Variants in ELMO1 observed in about 807,000 individuals in gnomAD.
The protein encoded by ELMO1 is engulfment and cell motility protein 1.
In ELMO1, 26 loss-of-function variants were observed where a neutral mutation model predicts 98.9. The observed-to-expected ratio is 0.26, with a 90% CI of 0.19 to 0.36. ELMO1 has a LOEUF of 0.36. Among genes scored for constraint, ELMO1 ranks in the 10% least tolerant of loss-of-function variants. ELMO1 has a pLI of 1.00. For missense variants in ELMO1, 627 were observed against 935.2 expected (o/e 0.67, Z 4.30); for synonymous variants, 346 against 346.0 (o/e 1.00, Z 0.00).
At chr7:37,163,494 T>A (rs1280056502) in intron 13 of ELMO1, among the ~76,000 whole-genome samples, 6 of 150,494 alleles carry the variant, frequency 4.0e-5, no homozygotes, top group African/African-American at 1.5e-4. Flanking sequence ...CCCTCCCCCA[T>A]CCCCCAACCC....
intron 16 of ELMO1, among the ~76,000 whole-genome samples, chr7:36,931,242 G>A (rs1032498384): frequency 1.3e-5 from 2 of 152,214 alleles, no homozygotes; most frequent in African/African-American, 4.8e-5. Context: ...AGACGTAATG[G>A]ATGCTACTGG....
At chr7:37,051,446 T>C (rs1410549351) in intron 15 of ELMO1, among the ~76,000 whole-genome samples, 2 of 152,256 alleles carry the variant, frequency 1.3e-5, no homozygotes, top group South Asian at 2.1e-4. Context: ...TGAGACAGTA[T>C]GAATTATTTC....
At chr7:37,022,079 T>TA (rs778147708) in intron 15 of ELMO1, among the ~76,000 whole-genome samples, 10 of 152,208 alleles carry the variant, frequency 6.6e-5, no homozygotes, top group Non-Finnish European at 1.2e-4. Context: ...TATGACTCCC[T>TA]ACCTCATACC....
chr7:37,069,609 A>G lies in ELMO1; in HGVS notation c.1300+27010T>C, dbSNP rs1797164957. ...AATTTCTAAAGTCTCACATCTCATA[A>G]CATGCCCCAAACTTATAATTTATTT... is the stretch of plus-strand genomic sequence containing the variant. On this transcript the variant is annotated intron_variant, in intron 15 of 21. Coordinates refer to ENST00000310758, the MANE Select transcript of ELMO1 (RefSeq NM_014800.11). Among the ~76,000 whole-genome samples the G allele has an allele frequency of 2.0e-5, 3 of 152,312 alleles. No individual in the cohort carries two copies. The South Asian group carries it at 6.2e-4, about 32-fold the overall frequency.
At chr7:37,244,161 C>CA (rs1420014483) in intron 7 of ELMO1, among the ~76,000 whole-genome samples, 195 bp downstream of exon 7, 1 of 150,474 alleles carries the variant, frequency 6.6e-6, no homozygotes, top group Non-Finnish European at 1.5e-5. Context: ...TACTCCAAAG[C>CA]AAAAAAAGGG....
At chr7:37,394,027 T>C (rs1050903125) in intron 1 of ELMO1, 1 of 152,248 alleles carries the variant, frequency 6.6e-6, no homozygotes, top group African/African-American at 2.4e-5. Flanking sequence ...AGAGGTAAGC[T>C]GCCTTAACTT....
chr7:37,000,675 AC>A (rs1792601352), intron 16 of ELMO1, among the ~76,000 whole-genome samples: 1 of 152,160 alleles, frequency 6.6e-6, no homozygotes, highest in South Asian at 2.1e-4. Flanking sequence ...TTGGCTAAGT[AC>A]CAGTCCCCTA....
intron 4 of ELMO1, among the ~76,000 whole-genome samples, chr7:37,283,135 G>T (rs943041520): frequency 6.6e-5 from 10 of 152,154 alleles, no homozygotes; most frequent in Admixed American, 5.2e-4. Context: ...CAGGGAATCT[G>T]CCAGGACATG....
At chr7:37,407,021 T>A (rs771973704) in intron 1 of ELMO1, among the ~76,000 whole-genome samples, 5 of 152,202 alleles carry the variant, frequency 3.3e-5, no homozygotes, top group Non-Finnish European at 7.3e-5. Context: ...AACACTTTGG[T>A]AATTTATAAT....
chr7:37,057,590 G>A (rs1475991001), intron 15 of ELMO1, among the ~76,000 whole-genome samples: 1 of 152,194 alleles, frequency 6.6e-6, no homozygotes, highest in East Asian at 1.9e-4. Context: ...AGATACAGAA[G>A]CTTTATCCAC....
chr7:37,268,510 C>T (rs1796378407), intron 5 of ELMO1, among the ~76,000 whole-genome samples: 1 of 152,134 alleles, frequency 6.6e-6, no homozygotes, highest in Non-Finnish European at 1.5e-5. Context: ...TCATCTTGGC[C>T]AGGCTGGTCT....
intron 1 of ELMO1, among the ~76,000 whole-genome samples, chr7:37,379,649 A>G (rs1019513433): frequency 3.9e-5 from 6 of 152,170 alleles, no homozygotes; most frequent in African/African-American, 1.2e-4. Context: ...GATGGACTCT[A>G]AGGTTAAGAA....
intron 13 of ELMO1, among the ~76,000 whole-genome samples, chr7:37,182,466 T>A (rs1394546047): frequency 3.8e-4 from 4 of 10,544 alleles, no homozygotes; most frequent in East Asian, 3.3e-3. Flanking sequence ...GCTCTACTTT[T>A]TTTTTTTTTT....
chr7:37,371,909 G>A (rs1802131249), intron 1 of ELMO1, among the ~76,000 whole-genome samples: 1 of 152,170 alleles, frequency 6.6e-6, no homozygotes, highest in African/African-American at 2.4e-5. Flanking sequence ...GATGGGTTGG[G>A]GGAGGTTGGT....
chr7:37,110,241 C>T (rs559945739), intron 14 of ELMO1, among the ~76,000 whole-genome samples: 1 of 152,248 alleles, frequency 6.6e-6, no homozygotes, highest in East Asian at 1.9e-4. Flanking sequence ...GGACACAAAT[C>T]CAATGTGCTT....
intron 17 of ELMO1, among the ~76,000 whole-genome samples, chr7:36,893,829 C>T (rs374998252): frequency 7.2e-5 from 11 of 151,980 alleles, no homozygotes; most frequent in East Asian, 1.9e-4. Context: ...CTCACAGGGA[C>T]GTAAAGAAAT....
chr7:37,237,162 C>T (rs959237133), intron 7 of ELMO1, among the ~76,000 whole-genome samples: 3 of 152,174 alleles, frequency 2.0e-5, no homozygotes, highest in Admixed American at 6.5e-5. Context: ...TTAGTAGACA[C>T]CATCTTCATT....
chr7:37,035,133 A>T (rs1795107696), intron 15 of ELMO1, among the ~76,000 whole-genome samples: 1 of 152,130 alleles, frequency 6.6e-6, no homozygotes, highest in Non-Finnish European at 1.5e-5. Context: ...CTTCATTAAA[A>T]ACCTGTTCAG....
intron 15 of ELMO1, among the ~76,000 whole-genome samples, chr7:37,026,288 A>G (rs1241166196): frequency 6.6e-6 from 1 of 152,172 alleles, no homozygotes; most frequent in Admixed American, 6.5e-5. Context: ...TGTCTTGCAG[A>G]GCCATGGTGT....
Sources: allele counts gnomAD v4.1 joint callset (sites outside exome capture counted in the v4.1 genomes callset), GRCh38; gene constraint gnomAD v4.1.1; transcripts MANE v1.5; gene names NCBI Gene and HGNC (gene_info 2026-07-23, HGNC 2026-07-21).